The following HECW1 variants were observed in gnomAD, a reference collection of about 807,000 sequenced individuals.
The protein encoded by HECW1 is HECT, C2 and WW domain containing E3 ubiquitin protein ligase 1, also known as E3 ubiquitin-protein ligase HECW1.
A neutral mutation model predicts 182.3 loss-of-function variants in HECW1; 61 were observed. The observed-to-expected ratio is 0.33, with a 90% confidence interval of 0.27 to 0.41. The LOEUF (loss-of-function observed/expected upper bound fraction) is 0.41. Ranked by LOEUF, HECW1 falls within the 10% of genes least tolerant of loss-of-function variation. The pLI is 1.00. For missense variants in HECW1, 1,739 were observed against 2,108.9 expected, an observed-to-expected ratio of 0.82 and a Z score of 3.44; for synonymous variants, 859 against 832.6, an observed-to-expected ratio of 1.03 and a Z score of -0.55.
intron 21 of HECW1, among the ~76,000 whole-genome samples, chr7:43,502,614 G>A (rs978516741): frequency 1.3e-5 from 2 of 152,070 alleles, no homozygotes; most frequent in East Asian, 1.9e-4. Flanking sequence ...AACCGAGATT[G>A]TGCCACTGCA....
At chr7:43,191,761 T>A (rs758416077) in intron 2 of HECW1, among the ~76,000 whole-genome samples, 54 of 152,212 alleles carry the variant, frequency 3.5e-4, no homozygotes, top group Non-Finnish European at 5.7e-4. Context: ...TTCATCCACT[T>A]AATTTGCTTT....
chr7:43,188,747 C>T (rs1793633825), intron 2 of HECW1, among the ~76,000 whole-genome samples: 1 of 152,158 alleles, frequency 6.6e-6, no homozygotes, highest in African/African-American at 2.4e-5. Context: ...AGACTCCTGC[C>T]CCCGTGCCAT....
Position 43,492,090 on chromosome 7 carries a change from A to G in HECW1, c.3250A>G (p.Arg1084Gly), listed in dbSNP as rs749599926. 1 of 1,605,790 alleles carries G rather than the reference A, an allele frequency of 6.2e-7. No individual in the cohort carries two copies. Among genetic ancestry groups the G allele is most frequent in the Non-Finnish European group, 8.5e-7 (1 of 1,177,518 alleles). The change falls in exon 18 of 30, where the codon AGA becomes GGA. Residue 1084 changes from arginine to glycine, a missense_variant. Arg to Gly is a moderately radical substitution (Grantham distance 125, BLOSUM62 -2). Around this residue, in one of 5 missense-constraint regions of HECW1, gnomAD observed 971 missense variants for 1,029.1 expected, o/e 0.94. Coordinates refer to ENST00000395891, the MANE Select transcript of HECW1 (RefSeq NM_015052.5). ...YSAGEASEVS[R>G]NRGASLLARP... ...CTAAAATTAGGCCTCAGAAGTTTCT[A>G]GAAACAGAGGAGCCTCTTTACTGGC...
intron 8 of HECW1, among the ~76,000 whole-genome samples, chr7:43,425,815 T>C (rs1415970682): frequency 6.6e-6 from 1 of 152,186 alleles, no homozygotes; most frequent in Non-Finnish European, 1.5e-5. Flanking sequence ...CTTCATGACC[T>C]AATCACCTCT....
At chr7:43,284,003 A>G (rs1804271078) in intron 3 of HECW1, among the ~76,000 whole-genome samples, 2 of 152,136 alleles carry the variant, frequency 1.3e-5, no homozygotes, top group South Asian at 4.1e-4. Context: ...TTCAAGGACA[A>G]GGGAAGTAGA....
intron 3 of HECW1, chr7:43,274,310 TAAA>T: frequency 1.9e-6 from 2 of 1,038,824 alleles, no homozygotes; most frequent in Non-Finnish European, 2.7e-6. Flanking sequence ...GTATCTCAGT[TAAA>T]GAAGATGAAG....
chr7:43,500,627 G>A (rs2079310441), intron 19 of HECW1, 72 bp from the exon 20 acceptor site: 1 of 1,163,332 alleles, frequency 8.6e-7, no homozygotes, highest in Non-Finnish European at 1.3e-6. Context: ...GGAAATAAGA[G>A]ATCAGAAGAA....
chr7:43,232,210 A>C (rs1228318694), intron 2 of HECW1, among the ~76,000 whole-genome samples: 1 of 152,124 alleles, frequency 6.6e-6, no homozygotes, highest in East Asian at 1.9e-4. Context: ...GGAAAGAAGA[A>C]AGACATCCTT....
intron 24 of HECW1, among the ~76,000 whole-genome samples, chr7:43,530,045 G>T (rs2080918351): frequency 6.6e-6 from 1 of 151,538 alleles, no homozygotes; most frequent in Non-Finnish European, 1.5e-5. Flanking sequence ...CGCCTCCCAG[G>T]TTCAAGCGAT....
chr7:43,163,856 G>A (rs572433448), intron 2 of HECW1, among the ~76,000 whole-genome samples: 1 of 152,264 alleles, frequency 6.6e-6, no homozygotes, highest in South Asian at 2.1e-4. Context: ...GGGTATTGCA[G>A]GTGACTCGAA....
Position 43,243,598 on chromosome 7 carries a change from GA to G in HECW1, c.-31-266del, listed in dbSNP as rs58487130. On this transcript the variant is annotated intron_variant, in intron 2 of 29. Transcript: ENST00000395891. The surrounding 1 kb of genome is among the most constrained non-coding windows in gnomAD (Gnocchi z 4.0). ...CACCAGATCCTTGTTTCTTGAAAAA[GA>G]AAAAAAAAAATTCTAGGCTCATGAG... Among the ~76,000 whole-genome samples the G allele has an allele frequency of 0.26, 37,631 of 146,226 alleles. 4,911 individuals carry two copies. Among genetic ancestry groups the G allele is most frequent in the African/African-American group, 0.31 (12,518 of 39,972 alleles).
intron 12 of HECW1, among the ~76,000 whole-genome samples, chr7:43,451,550 T>C (rs772973391): frequency 2.6e-5 from 4 of 152,210 alleles, no homozygotes; most frequent in Non-Finnish European, 5.9e-5. Context: ...CTTGGGAAAT[T>C]CATTTAATCT....
chr7:43,175,021 G>A (rs890727077), intron 2 of HECW1, among the ~76,000 whole-genome samples: 10 of 151,804 alleles, frequency 6.6e-5, no homozygotes, highest in Non-Finnish European at 1.3e-4. Flanking sequence ...AGAACAGCTC[G>A]AGGTACCTAT....
At chr7:43,519,858 A>C (rs1369665816) in intron 24 of HECW1, among the ~76,000 whole-genome samples, 1 of 152,208 alleles carries the variant, frequency 6.6e-6, no homozygotes, top group Admixed American at 6.5e-5. Flanking sequence ...GTAGCTAGAG[A>C]TATGTAAATA....
At chr7:43,547,067 A>G (rs1022918444) in intron 26 of HECW1, among the ~76,000 whole-genome samples, 12 of 152,036 alleles carry the variant, frequency 7.9e-5, no homozygotes, top group Non-Finnish European at 1.6e-4. Context: ...TTATCTTGAC[A>G]TTTTTTTCAG....
At chr7:43,555,015 A>G (rs1220771022) in intron 29 of HECW1, among the ~76,000 whole-genome samples, 2 of 152,180 alleles carry the variant, frequency 1.3e-5, no homozygotes, top group Non-Finnish European at 2.9e-5. Flanking sequence ...TTTGAGCTGT[A>G]ATATCTTGGT....
intron 2 of HECW1, among the ~76,000 whole-genome samples, chr7:43,129,460 G>A (rs571188694): frequency 1.3e-5 from 2 of 152,164 alleles, no homozygotes; most frequent in African/African-American, 4.8e-5. Flanking sequence ...TAATGCTATT[G>A]CACTGCTAAT....
chr7:43,503,313 TG>T (rs1295012591), intron 21 of HECW1, among the ~76,000 whole-genome samples: 1 of 152,104 alleles, frequency 6.6e-6, no homozygotes, highest in Admixed American at 6.5e-5. Context: ...GTAAGGGGTT[TG>T]GGGGGAAAAG....
chr7:43,514,165 A>T (rs1023618965), intron 24 of HECW1, among the ~76,000 whole-genome samples: 1 of 152,192 alleles, frequency 6.6e-6, no homozygotes, highest in African/African-American at 2.4e-5. Flanking sequence ...GAAAATTACC[A>T]CAAGAGCCTC....
Sources: gnomAD v4.1 joint callset for allele counts (sites outside exome capture counted in the v4.1 genomes callset) on GRCh38, gnomAD v4.1.1 for gene constraint, gnomAD v4.1.1 regional missense constraint, Gnocchi (gnomAD v3.1) non-coding constraint, MANE v1.5 for transcripts, NCBI Gene and HGNC (gene_info 2026-07-23, HGNC 2026-07-21) for gene names.